The following PDZRN3 variants were observed in gnomAD, a reference collection of about 807,000 sequenced individuals.
The protein encoded by PDZRN3 is PDZ domain containing ring finger 3, also known as E3 ubiquitin-protein ligase PDZRN3.
Under a neutral mutation model 85.7 loss-of-function variants are expected in PDZRN3, and 38 were observed. The observed-to-expected ratio is 0.44, with a 90% confidence interval of 0.34 to 0.58. The LOEUF (loss-of-function observed/expected upper bound fraction) is 0.58, where lower values mean the gene tolerates loss of function less well. Among genes scored for constraint, PDZRN3 ranks in the 20% least tolerant of loss-of-function variants. PDZRN3 has a pLI of 0.01. For synonymous variants in PDZRN3, 759 were observed against 638.0 expected (o/e 1.19, Z -2.86); for missense variants, 1,629 against 1,506.4 (o/e 1.08, Z -1.35).
intron 1 of PDZRN3, among the ~76,000 whole-genome samples, chr3:73,623,185 T>C (rs1247148694): frequency 6.6e-6 from 1 of 152,222 alleles, no homozygotes; most frequent in Non-Finnish European, 1.5e-5. Flanking sequence ...ATTTACTCTC[T>C]GCCAGGCACA....
intron 3 of PDZRN3, among the ~76,000 whole-genome samples, chr3:73,488,330 G>A (rs974710323): frequency 6.6e-6 from 1 of 152,182 alleles, no homozygotes; most frequent in African/African-American, 2.4e-5. Flanking sequence ...ATATCTGCCT[G>A]CCCCTATCAA....
rs776562724 is a variant in PDZRN3, at chr3:73,613,234, C to T, written c.724-4550G>A. ...GTGGGAGGAGCCATGGGAAGGAAGA[C>T]GAGGGGAGCAGCTCCGCTTGGACTT... On this transcript the variant is annotated intron_variant, in intron 1 of 9. Transcript: ENST00000263666. 2.6e-5 allele frequency among the ~76,000 whole-genome samples: 4 copies of T among 152,150 alleles called. No homozygotes were observed. In the East Asian group the frequency reaches 5.8e-4, roughly 22 times the overall value.
chr3:73,487,919 G>C (rs1207360819), intron 3 of PDZRN3, among the ~76,000 whole-genome samples: 1 of 152,180 alleles, frequency 6.6e-6, no homozygotes, highest in African/African-American at 2.4e-5. Flanking sequence ...GAGAACCCTA[G>C]AAACCATTTT....
intron 3 of PDZRN3, among the ~76,000 whole-genome samples, chr3:73,568,429 C>T (rs561093050): frequency 2.0e-4 from 30 of 152,310 alleles, no homozygotes; most frequent in African/African-American, 7.0e-4. Context: ...AAAATTAAAA[C>T]TAGTTTTGAC....
chr3:73,607,845 C>CTG, intron 2 of PDZRN3, among the ~76,000 whole-genome samples: 1 of 152,168 alleles, frequency 6.6e-6, no homozygotes, highest in Admixed American at 6.5e-5. Flanking sequence ...AGCCTATGTT[C>CTG]AATACTTATT....
chr3:73,487,962 CATTATATGCCTACT>C (rs1294682535), intron 3 of PDZRN3, among the ~76,000 whole-genome samples: 1 of 152,186 alleles, frequency 6.6e-6, no homozygotes, highest in Non-Finnish European at 1.5e-5. Context: ...GAGAAAAACA[CATTATATGCCTACT>C]GTGGGCTGAT....
intron 3 of PDZRN3, among the ~76,000 whole-genome samples, chr3:73,440,095 C>T (rs1031602189): frequency 2.0e-4 from 31 of 152,144 alleles, no homozygotes; most frequent in African/African-American, 6.5e-4. Context: ...ATTGAGGTGC[C>T]GCTGTCTTGA....
intron 3 of PDZRN3, among the ~76,000 whole-genome samples, chr3:73,523,634 T>G (rs541729181): frequency 6.6e-6 from 1 of 152,082 alleles, no homozygotes; most frequent in African/African-American, 2.4e-5. Flanking sequence ...GCACTTCAAA[T>G]AAGTGAAAAA....
chr3:73,484,596 A>T (rs1289415528), intron 3 of PDZRN3, among the ~76,000 whole-genome samples: 3 of 152,348 alleles, frequency 2.0e-5, no homozygotes, highest in East Asian at 3.9e-4. Flanking sequence ...GCTGCAGCAG[A>T]TTGTTCTTCC....
At chr3:73,433,823 T>A (rs1702479555) in intron 3 of PDZRN3, 3 of 1,470,090 alleles carry the variant, frequency 2.0e-6, no homozygotes, top group Non-Finnish European at 9.0e-7. Context: ...GTCAAGCGAC[T>A]GCAACGCTTC....
In PDZRN3 at chr3:73,383,622, G is replaced by A. The variant is rs1362286704; in HGVS notation, c.2944C>T (p.Leu982=). 6.2e-7 allele frequency: 1 copy of A among 1,613,728 alleles called. No homozygotes were observed. Among genetic ancestry groups the A allele is most frequent in the Non-Finnish European group, 8.5e-7 (1 of 1,180,038 alleles). Reference sequence around the variant, plus strand: ...CGCCGCTGCTCCTTGGCCTTCACCAGGTGCTGCTTCCTCTCCTCCTTGCTC... The same window carrying A: ...CGCCGCTGCTCCTTGGCCTTCACCAAGTGCTGCTTCCTCTCCTCCTTGCTC... The part of the protein sequence containing the change: ...YWSKEERKQH[L]VKAKEQRRRR... The change falls in exon 10 of 10, where the codon CTG becomes TTG. Residue 982 remains leucine, a synonymous_variant. Transcript: ENST00000263666.
chr3:73,400,986 T>C lies in PDZRN3; in HGVS notation c.1190A>G (p.Tyr397Cys), dbSNP rs879558867. Residue 397 changes from tyrosine (Y) to cysteine (C), a missense_variant, in exon 5 of 10, where the codon TAC becomes TGC. Transcript: ENST00000263666. ...PEEHPSAHEY[Y>C]DPNDYIGDIH... ...GTCTCCAATGTAGTCATTTGGATCG[T>C]AGTATTCATGGGCTGAGGGATGCCT... The C allele has an allele frequency of 6.2e-7, 1 of 1,613,302 alleles. No homozygotes were observed. Among genetic ancestry groups the C allele is most frequent in the Non-Finnish European group, 8.5e-7 (1 of 1,179,190 alleles).
At chr3:73,386,031 G>A (rs1701375109) in intron 8 of PDZRN3, among the ~76,000 whole-genome samples, 1 of 151,334 alleles carries the variant, frequency 6.6e-6, no homozygotes, top group South Asian at 2.1e-4. Flanking sequence ...TTTTTTCAGG[G>A]TGAAACTCTT....
At chr3:73,390,467 G>C (rs1299999729) in intron 6 of PDZRN3, among the ~76,000 whole-genome samples, 1 of 152,122 alleles carries the variant, frequency 6.6e-6, no homozygotes, top group South Asian at 2.1e-4. Flanking sequence ...TTCTGTGTTT[G>C]CAAGGATGGG....
At chr3:73,447,044 TATATATATATATAAAGAATTGCA>T (rs1702762772) in intron 3 of PDZRN3, among the ~76,000 whole-genome samples, 2 of 144,314 alleles carry the variant, frequency 1.4e-5, no homozygotes, top group South Asian at 4.3e-4. Context: ...CTCTTGACTA[TATATATATATATAAAGAATTGCA>T]ATATATATAT....
chr3:73,448,915 A>G (rs1702804514), intron 3 of PDZRN3, among the ~76,000 whole-genome samples: 1 of 152,146 alleles, frequency 6.6e-6, no homozygotes, highest in Admixed American at 6.5e-5. Context: ...ACCACAACCC[A>G]GTTTCTCATG....
At chr3:73,621,324 G>A (rs1241447962) in intron 1 of PDZRN3, among the ~76,000 whole-genome samples, 4 of 152,246 alleles carry the variant, frequency 2.6e-5, no homozygotes, top group Admixed American at 6.5e-5. Context: ...GTTCTAGGCT[G>A]CTGAAGAGCT....
At chr3:73,471,860 C>T (rs548148010) in intron 3 of PDZRN3, among the ~76,000 whole-genome samples, 1 of 152,298 alleles carries the variant, frequency 6.6e-6, no homozygotes, top group Admixed American at 6.5e-5. Flanking sequence ...TACCATGTGA[C>T]AGCTATATAA....
intron 3 of PDZRN3, among the ~76,000 whole-genome samples, chr3:73,464,916 A>G (rs915752924): frequency 4.6e-5 from 7 of 152,176 alleles, no homozygotes; most frequent in African/African-American, 9.7e-5. Context: ...AGAATACAAT[A>G]TATTGTTATG....
Sources: allele counts gnomAD v4.1 joint callset (sites outside exome capture counted in the v4.1 genomes callset), GRCh38; gene constraint gnomAD v4.1.1; transcripts MANE v1.5; gene names NCBI Gene and HGNC (gene_info 2026-07-23, HGNC 2026-07-21).